The following LURAP1L variants were observed in gnomAD, a reference collection of about 807,000 sequenced individuals.
LURAP1L encodes the protein leucine rich adaptor protein 1-like.
LURAP1L carries 12 observed loss-of-function variants against 13.8 expected under a neutral mutation model. The observed-to-expected ratio is 0.87, with a 90% CI of 0.56 to 1.41. LURAP1L has a LOEUF of 1.41. Among genes scored for constraint, LURAP1L ranks in the 40% most tolerant of loss-of-function variants. The pLI, the probability that LURAP1L is intolerant of heterozygous loss-of-function variation, is 0.00. For synonymous variants in LURAP1L, 139 were observed against 119.2 expected (o/e 1.17, Z -1.08); for missense variants, 375 against 292.9 (o/e 1.28, Z -2.04).
chr9:12,819,943 G>T (rs1819851183), intron 1 of LURAP1L, among the ~76,000 whole-genome samples: 2 of 152,010 alleles, frequency 1.3e-5, no homozygotes, highest in South Asian at 2.1e-4. Context: ...AATAGAGTGA[G>T]ACTGTCTCAA....
chr9:12,776,469 C>T lies in LURAP1L; in HGVS notation c.312+442C>T, dbSNP rs549772914. 1.1e-4 allele frequency among the ~76,000 whole-genome samples: 16 copies of T among 152,204 alleles called. 1 individual carries two copies. The East Asian group carries it at 2.5e-3, about 24-fold the overall frequency. ...TACTGCAAAAATACTTCCTGGTTTG[C>T]CGGGAGGTGGCGTGGCAGGGTCCTT... On this transcript the variant is annotated intron_variant, in intron 1 of 1. Transcript: ENST00000319264.
intron 1 of LURAP1L, among the ~76,000 whole-genome samples, chr9:12,778,514 T>C (rs1819222843): frequency 6.6e-6 from 1 of 152,182 alleles, no homozygotes; most frequent in Non-Finnish European, 1.5e-5. Flanking sequence ...ATTACATCAA[T>C]GACATGGGTT....
chr9:12,800,149 T>G (rs1442242248), intron 1 of LURAP1L, among the ~76,000 whole-genome samples: 1 of 152,152 alleles, frequency 6.6e-6, no homozygotes, highest in Non-Finnish European at 1.5e-5. Context: ...CCAACAGAGC[T>G]GCAACTTTGT....
At chr9:12,793,888 C>A (rs1819478676) in intron 1 of LURAP1L, among the ~76,000 whole-genome samples, 1 of 152,098 alleles carries the variant, frequency 6.6e-6, no homozygotes, top group Non-Finnish European at 1.5e-5. Context: ...AAAATATGGT[C>A]ATTAGTAGTC....
At chr9:12,796,212 A>G (rs1404424957) in intron 1 of LURAP1L, among the ~76,000 whole-genome samples, 1 of 151,924 alleles carries the variant, frequency 6.6e-6, no homozygotes, top group Non-Finnish European at 1.5e-5. Context: ...ATAATTAAAG[A>G]TCTTTTCTGT....
intron 1 of LURAP1L, among the ~76,000 whole-genome samples, chr9:12,791,288 G>A (rs1819437252): frequency 6.6e-6 from 1 of 152,026 alleles, no homozygotes; most frequent in South Asian, 2.1e-4. Flanking sequence ...ATGAAAAATG[G>A]CTACCACATA....
intron 1 of LURAP1L, among the ~76,000 whole-genome samples, chr9:12,813,587 T>C (rs1048674569): frequency 6.6e-6 from 1 of 152,168 alleles, no homozygotes. Context: ...TAGAGAAAAT[T>C]TTAATACTGC....
At chr9:12,787,756 C>A (rs181400110) in intron 1 of LURAP1L, among the ~76,000 whole-genome samples, 5 of 152,216 alleles carry the variant, frequency 3.3e-5, no homozygotes, top group Non-Finnish European at 5.9e-5. Flanking sequence ...AAATACTTCA[C>A]CGCGTGTGCC....
At chr9:12,818,617 G>T (rs942324021) in intron 1 of LURAP1L, among the ~76,000 whole-genome samples, 3 of 152,178 alleles carry the variant, frequency 2.0e-5, no homozygotes, top group Non-Finnish European at 4.4e-5. Flanking sequence ...GGTGAAGCAG[G>T]CCAGCAGAGG....
At chr9:12,814,866 T>A (rs1442265757) in intron 1 of LURAP1L, among the ~76,000 whole-genome samples, 1 of 152,130 alleles carries the variant, frequency 6.6e-6, no homozygotes, top group African/African-American at 2.4e-5. Context: ...ACAACAAAAA[T>A]GGAGGAAGAC....
intron 1 of LURAP1L, among the ~76,000 whole-genome samples, chr9:12,803,444 C>T (rs1417953305): frequency 6.6e-6 from 1 of 152,202 alleles, no homozygotes; most frequent in Admixed American, 6.5e-5. Flanking sequence ...GCTATTCCCA[C>T]TAAATGATAC....
chr9:12,802,684 G>A (rs1307333515), intron 1 of LURAP1L, among the ~76,000 whole-genome samples: 4 of 152,006 alleles, frequency 2.6e-5, no homozygotes, highest in Non-Finnish European at 2.9e-5. Context: ...CACAGAAGTG[G>A]GTTAAAACTC....
intron 1 of LURAP1L, among the ~76,000 whole-genome samples, chr9:12,779,486 G>A (rs560100432): frequency 6.6e-6 from 1 of 152,046 alleles, no homozygotes; most frequent in Non-Finnish European, 1.5e-5. Context: ...GTGTTAGCTA[G>A]GATGGTCTCT....
intron 1 of LURAP1L, among the ~76,000 whole-genome samples, chr9:12,782,026 T>C (rs555832854): frequency 3.3e-5 from 5 of 152,372 alleles, no homozygotes; most frequent in African/African-American, 1.2e-4. Context: ...TGAGCACTTT[T>C]GAATATACCT....
chr9:12,812,197 T>A (rs1819745855), intron 1 of LURAP1L, among the ~76,000 whole-genome samples: 1 of 152,206 alleles, frequency 6.6e-6, no homozygotes, highest in Non-Finnish European at 1.5e-5. Flanking sequence ...GATACCAGGA[T>A]AGGGAACTAC....
At chr9:12,804,121 G>A (rs1819623607) in intron 1 of LURAP1L, among the ~76,000 whole-genome samples, 1 of 152,066 alleles carries the variant, frequency 6.6e-6, no homozygotes, top group South Asian at 2.1e-4. Flanking sequence ...CTGTGCAATA[G>A]GGTGGCTTTT....
At chr9:12,793,891 T>C (rs991802176) in intron 1 of LURAP1L, among the ~76,000 whole-genome samples, 1 of 152,066 alleles carries the variant, frequency 6.6e-6, no homozygotes, top group Non-Finnish European at 1.5e-5. Flanking sequence ...ATATGGTCAT[T>C]AGTAGTCAAT....
chr9:12,794,299 T>C (rs1819484056), intron 1 of LURAP1L, among the ~76,000 whole-genome samples: 1 of 152,074 alleles, frequency 6.6e-6, no homozygotes, highest in Non-Finnish European at 1.5e-5. Flanking sequence ...TGGGTCATTT[T>C]TGTTTGCTTT....
At chr9:12,795,715 C>A (rs1489078218) in intron 1 of LURAP1L, among the ~76,000 whole-genome samples, 5 of 152,050 alleles carry the variant, frequency 3.3e-5, no homozygotes, top group African/African-American at 1.2e-4. Flanking sequence ...GGAAGTGATA[C>A]AATGAAAGTC....
Sources: gnomAD v4.1 joint callset for allele counts (sites outside exome capture counted in the v4.1 genomes callset) on GRCh38, gnomAD v4.1.1 for gene constraint, MANE v1.5 for transcripts, NCBI Gene and HGNC (gene_info 2026-07-23, HGNC 2026-07-21) for gene names.